TNFSF4: variants seen among roughly 807,000 people sequenced by gnomAD.
TNFSF4 encodes TNF superfamily member 4, also known as tumor necrosis factor ligand superfamily member 4.
In TNFSF4, 4 loss-of-function variants were observed where a neutral mutation model predicts 7.3. The ratio of observed to expected loss-of-function variants is 0.55; its 90% CI spans 0.27 to 1.25. The LOEUF (loss-of-function observed/expected upper bound fraction) is 1.25, where lower values mean the gene tolerates loss of function less well. TNFSF4 is among the 50% of genes most tolerant of loss of function. The pLI, the probability that TNFSF4 is intolerant of heterozygous loss-of-function variation, is 0.12. For missense variants in TNFSF4, 181 were observed against 208.8 expected (o/e 0.87, Z 0.82); for synonymous variants, 76 against 83.7 (o/e 0.91, Z 0.50).
the TNFSF4 span, chr1:173,363,490 A>T: frequency 2.4e-6 from 1 of 422,692 alleles, no homozygotes. Flanking sequence ...TGCCAGAATC[A>T]TTTCAAGTTC....
chr1:173,345,396 T>C, the TNFSF4 span, among the ~76,000 whole-genome samples: 1 of 152,292 alleles, frequency 6.6e-6, no homozygotes, highest in Middle Eastern at 3.4e-3. Flanking sequence ...CTGTAACCAT[T>C]GCAACAGAGA....
chr1:173,214,493 C>A, the TNFSF4 span, among the ~76,000 whole-genome samples: 1 of 152,174 alleles, frequency 6.6e-6, no homozygotes, highest in Non-Finnish European at 1.5e-5. Flanking sequence ...CAAGGGTGTT[C>A]AATCTTTTGG....
chr1:173,440,054 T>C, the TNFSF4 span, among the ~76,000 whole-genome samples: 1 of 152,176 alleles, frequency 6.6e-6, no homozygotes, highest in Non-Finnish European at 1.5e-5. Flanking sequence ...ATTCAGAGAA[T>C]CCCTTTCTAC....
At chr1:173,439,145 G>A in the TNFSF4 span, among the ~76,000 whole-genome samples, 2 of 152,192 alleles carry the variant, frequency 1.3e-5, no homozygotes, top group East Asian at 3.8e-4. Flanking sequence ...TGAGTTCACT[G>A]TATCCCAGCT....
the TNFSF4 span, among the ~76,000 whole-genome samples, chr1:173,424,229 T>A: frequency 3.6e-4 from 55 of 152,344 alleles, no homozygotes; most frequent in South Asian, 4.8e-3. Flanking sequence ...GACAAAGTAT[T>A]TCTTCTCTTT....
At chr1:173,355,694 A>C in the TNFSF4 span, among the ~76,000 whole-genome samples, 1 of 152,242 alleles carries the variant, frequency 6.6e-6, no homozygotes, top group Admixed American at 6.5e-5. Context: ...AAGTTAGAAG[A>C]AGCCAGAAAT....
the TNFSF4 span, among the ~76,000 whole-genome samples, chr1:173,220,131 G>A: frequency 2.0e-5 from 3 of 152,042 alleles, no homozygotes; most frequent in Non-Finnish European, 2.9e-5. Flanking sequence ...TTTCTTTGCA[G>A]TAGAAACTCA....
At chr1:173,358,886 G>T in the TNFSF4 span, among the ~76,000 whole-genome samples, 1 of 152,194 alleles carries the variant, frequency 6.6e-6, no homozygotes. Flanking sequence ...AAGTCAGATA[G>T]GTCTTACTTT....
chr1:173,413,820 G>A, the TNFSF4 span, among the ~76,000 whole-genome samples: 1 of 152,164 alleles, frequency 6.6e-6, no homozygotes, highest in Non-Finnish European at 1.5e-5. Context: ...CATGTACACT[G>A]CTTGAAACCA....
chr1:173,194,041 T>C (rs1649594480), intron 1 of TNFSF4, among the ~76,000 whole-genome samples: 1 of 152,212 alleles, frequency 6.6e-6, no homozygotes, highest in African/African-American at 2.4e-5. Flanking sequence ...TCTTCATTTT[T>C]ACAAGTAACC....
chr1:173,233,514 A>G, the TNFSF4 span, among the ~76,000 whole-genome samples: 3 of 152,212 alleles, frequency 2.0e-5, no homozygotes, highest in African/African-American at 7.2e-5. Flanking sequence ...AGCAACTCCA[A>G]GACACATAAT....
chr1:173,440,048 A>G, the TNFSF4 span, among the ~76,000 whole-genome samples: 1 of 152,188 alleles, frequency 6.6e-6, no homozygotes, highest in Non-Finnish European at 1.5e-5. Flanking sequence ...TACTACATTC[A>G]GAGAATCCCT....
At chr1:173,324,714 C>T in the TNFSF4 span, among the ~76,000 whole-genome samples, 4 of 152,042 alleles carry the variant, frequency 2.6e-5, no homozygotes, top group Non-Finnish European at 5.9e-5. Flanking sequence ...GGTTGCAATC[C>T]TAGTCTCTGA....
the TNFSF4 span, among the ~76,000 whole-genome samples, chr1:173,426,372 T>C: frequency 6.6e-6 from 1 of 152,198 alleles, no homozygotes; most frequent in Admixed American, 6.5e-5. Flanking sequence ...AGATACCTTG[T>C]TTCCATGGCT....
At chr1:173,269,586 C>T in the TNFSF4 span, among the ~76,000 whole-genome samples, 8 of 151,974 alleles carry the variant, frequency 5.3e-5, no homozygotes, top group African/African-American at 1.4e-4. Context: ...TCTGATAAGC[C>T]GGATGGCTAT....
At chr1:173,334,550 C>T in the TNFSF4 span, among the ~76,000 whole-genome samples, 1 of 152,178 alleles carries the variant, frequency 6.6e-6, no homozygotes, top group Non-Finnish European at 1.5e-5. Context: ...CATCCTGCAA[C>T]TGGCTGAATT....
the TNFSF4 span, among the ~76,000 whole-genome samples, chr1:173,438,983 A>T: frequency 6.6e-6 from 1 of 152,348 alleles, no homozygotes; most frequent in Non-Finnish European, 1.5e-5. Context: ...TTGCACCTAT[A>T]AAACAATCTG....
At chr1:173,384,923 G>A in the TNFSF4 span, among the ~76,000 whole-genome samples, 1 of 152,018 alleles carries the variant, frequency 6.6e-6, no homozygotes, top group South Asian at 2.1e-4. Flanking sequence ...CATAAAAATG[G>A]GTATATAGTT....
chr1:173,354,455 A>C, the TNFSF4 span, among the ~76,000 whole-genome samples: 1 of 113,546 alleles, frequency 8.8e-6, no homozygotes, highest in Non-Finnish European at 1.8e-5. Flanking sequence ...TATTTCAAAA[A>C]ATTGAAAAGG....
Sources: gnomAD v4.1 joint callset for allele counts (sites outside exome capture counted in the v4.1 genomes callset) on GRCh38, gnomAD v4.1.1 for gene constraint, MANE v1.5 for transcripts, NCBI Gene and HGNC (gene_info 2026-07-23, HGNC 2026-07-21) for gene names.